SDK1: variants seen among roughly 807,000 people sequenced by gnomAD.
SDK1 encodes the protein protein sidekick-1.
A neutral mutation model predicts 245.5 loss-of-function variants in SDK1; 157 were observed. The ratio of observed to expected loss-of-function variants is 0.64; its 90% confidence interval spans 0.56 to 0.73. The LOEUF (loss-of-function observed/expected upper bound fraction) is 0.73, where lower values mean the gene tolerates loss of function less well. SDK1 is among the 30% of genes least tolerant of loss of function. The probability of loss-of-function intolerance (pLI) is 0.00; values close to 1 mark genes in which losing one functional copy is unlikely to be tolerated. For missense variants in SDK1, 3,583 were observed against 3,002.3 expected (o/e 1.19, Z -4.52); for synonymous variants, 1,647 against 1,278.5 (o/e 1.29, Z -6.15).
At chr7:3,350,191 C>G (rs1308751943) in intron 1 of SDK1, among the ~76,000 whole-genome samples, 2 of 152,248 alleles carry the variant, frequency 1.3e-5, no homozygotes, top group African/African-American at 4.8e-5. Context: ...GGGAGACACT[C>G]AGTCTATCAG....
chr7:3,633,909 C>G (rs185376435), intron 2 of SDK1, among the ~76,000 whole-genome samples: 1 of 151,990 alleles, frequency 6.6e-6, no homozygotes, highest in African/African-American at 2.4e-5. Flanking sequence ...CAAATACTGG[C>G]CATCACTGCT....
chr7:3,327,228 A>C (rs908502100), intron 1 of SDK1, among the ~76,000 whole-genome samples: 11 of 152,176 alleles, frequency 7.2e-5, no homozygotes, highest in Non-Finnish European at 1.3e-4. Context: ...GGTTGAAGGA[A>C]CCAGGTGGGG....
At chr7:3,857,724 T>A (rs1354521349) in intron 5 of SDK1, among the ~76,000 whole-genome samples, 3 of 151,548 alleles carry the variant, frequency 2.0e-5, no homozygotes, top group Non-Finnish European at 4.4e-5. Flanking sequence ...GATAATAAAC[T>A]GAATATTAGG....
chr7:4,224,079 A>G (rs1431738166), intron 40 of SDK1, among the ~76,000 whole-genome samples: 4 of 152,190 alleles, frequency 2.6e-5, no homozygotes, highest in Non-Finnish European at 4.4e-5. Context: ...AAAACCACCC[A>G]TAATCCATGC....
intron 1 of SDK1, among the ~76,000 whole-genome samples, chr7:3,553,830 A>G (rs1779493092): frequency 2.6e-5 from 4 of 152,110 alleles, no homozygotes; most frequent in African/African-American, 9.7e-5. Context: ...CCTGAACACC[A>G]CCACTCCTTC....
chr7:4,018,629 T>C (rs1453341127), intron 17 of SDK1, among the ~76,000 whole-genome samples: 3 of 152,226 alleles, frequency 2.0e-5, no homozygotes, highest in Non-Finnish European at 4.4e-5. Flanking sequence ...AGTAATCCCT[T>C]ATTACTATTA....
At chr7:3,734,091 A>G (rs373175229) in intron 4 of SDK1, among the ~76,000 whole-genome samples, 1 of 152,200 alleles carries the variant, frequency 6.6e-6, no homozygotes, top group African/African-American at 2.4e-5. Context: ...TCCCCGTGAG[A>G]TGAAGGCTCG....
rs749218568 is a variant in SDK1 at position 4,178,513 on chromosome 7, A to G, written c.5025A>G (p.Val1675=). ...THLKKYRRYE[V]IMTAYNIIGE... is the part of the protein sequence containing the mutation. ...TAAAGAAGTACCGGCGCTATGAAGT[A>G]ATAATGACCGCCTATAACATCATCG... Residue 1675 remains valine, a synonymous_variant, in exon 35 of 45, where the codon GTA becomes GTG. Transcript: ENST00000404826. The G allele has an allele frequency of 6.2e-6, 10 of 1,613,826 alleles. No homozygotes were observed. Among genetic ancestry groups the G allele is most frequent in the Non-Finnish European group, 7.6e-6 (9 of 1,179,890 alleles).
intron 17 of SDK1, among the ~76,000 whole-genome samples, chr7:4,033,680 A>G (rs1788003170): frequency 6.6e-6 from 1 of 152,228 alleles, no homozygotes; most frequent in South Asian, 2.1e-4. Flanking sequence ...ACAGAAGTGC[A>G]AATGGCCCAT....
intron 41 of SDK1, among the ~76,000 whole-genome samples, chr7:4,234,129 G>A (rs1230656889): frequency 6.6e-6 from 1 of 152,190 alleles, no homozygotes; most frequent in Non-Finnish European, 1.5e-5. Context: ...CGTCTTCCTG[G>A]GACCTCCCAG....
At chr7:4,167,918 A>C (rs1470482288) in intron 32 of SDK1, among the ~76,000 whole-genome samples, 1 of 152,232 alleles carries the variant, frequency 6.6e-6, no homozygotes, top group East Asian at 1.9e-4. Context: ...GCCACGACCC[A>C]AATCTAGAGC....
intron 17 of SDK1, among the ~76,000 whole-genome samples, chr7:4,021,855 T>G (rs1272873997): frequency 6.6e-6 from 1 of 152,216 alleles, no homozygotes; most frequent in African/African-American, 2.4e-5. Flanking sequence ...CCTCACTTTC[T>G]AAGTGAGATG....
intron 44 of SDK1, among the ~76,000 whole-genome samples, chr7:4,249,921 G>A (rs898818197): frequency 2.6e-5 from 4 of 152,196 alleles, no homozygotes; most frequent in African/African-American, 9.7e-5. Flanking sequence ...ACACAATTCA[G>A]TGGGTTTCAG....
chr7:3,630,443 T>A (rs1400628867), intron 2 of SDK1, among the ~76,000 whole-genome samples: 1 of 152,230 alleles, frequency 6.6e-6, no homozygotes, highest in Non-Finnish European at 1.5e-5. Flanking sequence ...TATTTCTGTG[T>A]ACTAGCAAAC....
At chr7:3,459,430 T>A (rs1780769500) in intron 1 of SDK1, among the ~76,000 whole-genome samples, 1 of 152,176 alleles carries the variant, frequency 6.6e-6, no homozygotes, top group South Asian at 2.1e-4. Context: ...TAGTGCTGGA[T>A]GTAGCCACTC....
chr7:3,925,731 G>C (rs1408812175), intron 5 of SDK1, among the ~76,000 whole-genome samples: 2 of 152,176 alleles, frequency 1.3e-5, no homozygotes, highest in Non-Finnish European at 2.9e-5. Flanking sequence ...ATCTCAGAGG[G>C]AAAGATGAGT....
intron 5 of SDK1, among the ~76,000 whole-genome samples, chr7:3,844,945 T>C (rs1780240249): frequency 6.6e-6 from 1 of 152,222 alleles, no homozygotes; most frequent in South Asian, 2.1e-4. Flanking sequence ...CATCATACTT[T>C]ATTAGCTAGG....
intron 4 of SDK1, among the ~76,000 whole-genome samples, chr7:3,811,988 C>G (rs1258006691): frequency 6.6e-6 from 1 of 152,182 alleles, no homozygotes; most frequent in Non-Finnish European, 1.5e-5. Context: ...CTCTAAAACT[C>G]TGTAAAATGA....
At chr7:3,507,308 C>T (rs181933711) in intron 1 of SDK1, among the ~76,000 whole-genome samples, 5 of 152,278 alleles carry the variant, frequency 3.3e-5, no homozygotes, top group East Asian at 3.9e-4. Context: ...GACCTGTATG[C>T]GGATTTCTGG....
Sources: allele counts gnomAD v4.1 joint callset (sites outside exome capture counted in the v4.1 genomes callset), GRCh38; gene constraint gnomAD v4.1.1; transcripts MANE v1.5; gene names NCBI Gene and HGNC (gene_info 2026-07-23, HGNC 2026-07-21).